DHX29: variants seen among roughly 807,000 people sequenced by gnomAD.
The protein encoded by DHX29 is DExH-box helicase 29.
DHX29 carries 79 observed loss-of-function variants against 167.9 expected under a neutral mutation model. The ratio of observed to expected loss-of-function variants is 0.47; its 90% confidence interval spans 0.39 to 0.57. The LOEUF (loss-of-function observed/expected upper bound fraction) is 0.57, where lower values mean the gene tolerates loss of function less well. Ranked by LOEUF, DHX29 falls within the 20% of genes least tolerant of loss-of-function variation. The probability of loss-of-function intolerance (pLI) is 0.00; values close to 1 mark genes in which losing one functional copy is unlikely to be tolerated. For missense variants in DHX29, 1,347 were observed against 1,593.4 expected (o/e 0.85, Z 2.63); for synonymous variants, 530 against 546.0 (o/e 0.97, Z 0.41).
rs371114091 is a variant in DHX29 at position 55,281,321 on chromosome 5, T to C, written c.2109+51A>G. 28 of 1,433,142 alleles carry C rather than the reference T, an allele frequency of 2.0e-5. No individual in the cohort carries two copies. The African/African-American group carries it at 4.0e-4, about 20-fold the overall frequency. The allele number at this position is 1,433,142 out of a possible 1,614,324, so 88.8% of individuals were successfully genotyped here. A position where few individuals can be genotyped will look rare whatever the true frequency, so the allele number is the denominator to read the frequency against. ...ATCTAGTATTAGGAGTAACATCTTT[T>C]TAATACAAAAATATTTCAAATTTTT... On this transcript the variant is annotated intron_variant, in intron 12 of 26. Coordinates refer to ENST00000251636, the MANE Select transcript of DHX29 (RefSeq NM_019030.4).
chr5:55,270,913 GA>G (rs1464086914), intron 18 of DHX29, among the ~76,000 whole-genome samples: 8 of 152,020 alleles, frequency 5.3e-5, no homozygotes, highest in East Asian at 1.9e-4. Flanking sequence ...TCTGGCAAAA[GA>G]AAAAAATTAT....
chr5:55,283,322 T>C lies in DHX29; in HGVS notation c.1846A>G (p.Asn616Asp). The change falls in exon 11 of 27, where the codon AAT becomes GAT. Residue 616 changes from asparagine (N) to aspartate (D), a missense_variant. Coordinates refer to ENST00000251636, the MANE Select transcript of DHX29 (RefSeq NM_019030.4). ...PHFLLEDLLL[N>D]EWEASKCNIV... Reference sequence around the variant, plus strand: ...TTACATTTACTTGCTTCCCACTCATTTAGAAGCAAATCTTCCAATAGAAAA... The same window carrying C: ...TTACATTTACTTGCTTCCCACTCATCTAGAAGCAAATCTTCCAATAGAAAA... The C allele has an allele frequency of 6.2e-7, 1 of 1,614,160 alleles. No individual in the cohort carries two copies. Among genetic ancestry groups the C allele is most frequent in the Non-Finnish European group, 8.5e-7 (1 of 1,179,998 alleles).
Position 55,277,134 on chromosome 5 carries a change from C to A in DHX29, c.2258G>T (p.Arg753Ile). 1 of 1,610,278 alleles carries A rather than the reference C, an allele frequency of 6.2e-7. No individual in the cohort carries two copies. The highest frequency in any genetic ancestry group is 8.5e-7 in the Non-Finnish European group (1 of 1,178,664). ...AACAGGATAACTTCTTCCTGAAATT[C>A]TGAGAATGGGGCAGTGTGTGAAATA... ...STYFTHCPILRISGRSYPVEV... is the reference protein window; with the variant it reads ...STYFTHCPILIISGRSYPVEV... Residue 753 changes from arginine (R) to isoleucine (I), a missense_variant, in exon 13 of 27, where the codon AGA (arginine) becomes ATA (isoleucine). Around this residue, in one of 3 missense-constraint regions of DHX29, gnomAD observed 882 missense variants for 1,082.4 expected, o/e 0.81. Transcript: ENST00000251636.
At chr5:55,285,238 C>T in intron 10 of DHX29, 55 bp downstream of exon 10, 1 of 1,573,642 alleles carries the variant, frequency 6.4e-7, no homozygotes. Context: ...AAAATTGAAC[C>T]ATAATTAAAT....
At chr5:55,259,775 C>T (rs920689634) in intron 26 of DHX29, 73 bp downstream of exon 26, 1 of 856,816 alleles carries the variant, frequency 1.2e-6, no homozygotes, top group Non-Finnish European at 1.8e-6. Flanking sequence ...AGTTTTTCCA[C>T]ACATTAATAC....
Position 55,298,446 on chromosome 5 carries a change from T to G in DHX29, c.261+145A>C, listed in dbSNP as rs79855754. ...TCTCAACATATGTGTATGATTTACTTATTTTTAGTAGAGATTAGCTCTTAG... is the reference window on the plus strand; with the variant it reads ...TCTCAACATATGTGTATGATTTACTGATTTTTAGTAGAGATTAGCTCTTAG... On this transcript the variant is annotated intron_variant, in intron 2 of 26. Transcript: ENST00000251636. 3.9e-3 allele frequency: 2,169 copies of G among 563,124 alleles called. 34 individuals are homozygous for G. Among genetic ancestry groups the G allele is most frequent in the African/African-American group, 0.036 (1,916 of 52,720 alleles). 34.9% of individuals were successfully genotyped at this position (563,124 alleles called of 1,614,324 possible). A position where few individuals can be genotyped will look rare whatever the true frequency, so the allele number is the denominator to read the frequency against.
intron 26 of DHX29, among the ~76,000 whole-genome samples, chr5:55,258,554 A>G (rs1746159509): frequency 1.3e-5 from 2 of 152,110 alleles, no homozygotes; most frequent in African/African-American, 2.4e-5. Flanking sequence ...GGCAAGTTTG[A>G]GAAACACTGC....
Position 55,285,418 on chromosome 5 carries a change from T to C in DHX29, c.1233-2A>G, listed in dbSNP as rs1266156086. The C allele has an allele frequency of 6.3e-7, 1 of 1,594,720 alleles. No individual in the cohort carries two copies. Among genetic ancestry groups the C allele is most frequent in the African/African-American group, 1.3e-5 (1 of 74,136 alleles). On this transcript the variant is annotated splice_acceptor_variant, in intron 9 of 26. Coordinates refer to ENST00000251636, the MANE Select transcript of DHX29 (RefSeq NM_019030.4). LOFTEE classifies it high-confidence loss of function. Reference sequence around the variant, plus strand: ...TCTTCAGACTTGATTACCCTAACCCTACAAAGAAGCAAACGCATTTTAAAA... The same window carrying C: ...TCTTCAGACTTGATTACCCTAACCCCACAAAGAAGCAAACGCATTTTAAAA...
Position 55,276,414 on chromosome 5 carries a change from G to A in DHX29, c.2287-8C>T. On this transcript the variant is annotated splice_polypyrimidine_tract_variant and splice_region_variant and intron_variant, in intron 13 of 26. Transcript: ENST00000251636. Reference sequence around the variant, plus strand: ...ATCTTCAAGATGAAAAACCTGCATAGAATAAGGCATATAAATGGGTGAATT... The same window carrying A: ...ATCTTCAAGATGAAAAACCTGCATAAAATAAGGCATATAAATGGGTGAATT... The A allele has an allele frequency of 6.3e-7, 1 of 1,578,552 alleles. No individual in the cohort carries two copies. The highest frequency in any genetic ancestry group is 1.2e-5 in the South Asian group (1 of 84,336).
intron 6 of DHX29, among the ~76,000 whole-genome samples, chr5:55,291,865 A>G (rs1189532273): frequency 1.3e-5 from 2 of 152,110 alleles, no homozygotes; most frequent in Admixed American, 6.5e-5. Flanking sequence ...CTTCTTTTTT[A>G]AGGCTGAATA....
In DHX29 at chr5:55,280,485, T is replaced by C. The variant is rs111244357; in HGVS notation, c.2109+887A>G. On this transcript the variant is annotated intron_variant, in intron 12 of 26. Transcript: ENST00000251636. ...TAAGAAAAAAAAATTAGCATTTTGG[T>C]TCATGTTGACCCTTGATGATACTGA... 2.4e-3 allele frequency among the ~76,000 whole-genome samples: 364 copies of C among 152,254 alleles called. 2 individuals are homozygous for C. Among genetic ancestry groups the C allele is most frequent in the Middle Eastern group, 0.024 (7 of 294 alleles).
chr5:55,300,755 A>C (rs1036330089), intron 1 of DHX29, among the ~76,000 whole-genome samples: 7 of 152,224 alleles, frequency 4.6e-5, no homozygotes, highest in African/African-American at 1.4e-4. Context: ...AAATGTGACT[A>C]TATTTTTCAA....
intron 8 of DHX29, among the ~76,000 whole-genome samples, chr5:55,287,978 C>T (rs1747829814): frequency 6.7e-6 from 1 of 149,726 alleles, no homozygotes; most frequent in South Asian, 2.1e-4. Context: ...AGGCTGGGCA[C>T]AGTGGCTCAC....
intron 14 of DHX29, among the ~76,000 whole-genome samples, chr5:55,275,765 GTATGTA>G (rs1561146742): frequency 5.6e-4 from 85 of 152,092 alleles, no homozygotes; most frequent in African/African-American, 1.8e-3. Context: ...ATGTATGTAT[GTATGTA>G]TGTGTGTGTG....
At position 55,274,857 on chromosome 5, in the gene DHX29, G is replaced by A. The variant is rs1421002968; in HGVS notation, c.2572+9C>T. 6.2e-7 allele frequency: 1 copy of A among 1,609,764 alleles called. No individual in the cohort carries two copies. Among genetic ancestry groups the A allele is most frequent in the South Asian group, 1.1e-5 (1 of 90,034 alleles). On this transcript the variant is annotated intron_variant, in intron 15 of 26. Transcript: ENST00000251636. ...ATCAAATGGAGACCCATTAGAAATA[G>A]AAATATACCTAAGTATGCAAGAAGT...
Position 55,307,655 on chromosome 5 carries a change from G to C in DHX29, c.-82C>G. 6.5e-7 allele frequency: 1 copy of C among 1,530,100 alleles called. No individual in the cohort carries two copies. Among genetic ancestry groups the C allele is most frequent in the Non-Finnish European group, 8.8e-7 (1 of 1,131,642 alleles). 94.8% of individuals were successfully genotyped at this position (1,530,100 alleles called of 1,614,324 possible). A position where few individuals can be genotyped will look rare whatever the true frequency, so the allele number is the denominator to read the frequency against. On this transcript the variant is annotated 5_prime_UTR_variant, in exon 1 of 27. Coordinates refer to ENST00000251636, the MANE Select transcript of DHX29 (RefSeq NM_019030.4). ...AGCCGAGAGCTCTTCACATTCCCCG[G>C]CTCCGGGGCTGCCACCCTGCGCTTC...
chr5:55,292,522 C>T (rs1748101748), intron 6 of DHX29, among the ~76,000 whole-genome samples: 1 of 152,136 alleles, frequency 6.6e-6, no homozygotes, highest in South Asian at 2.1e-4. Flanking sequence ...TCCAAACCAC[C>T]TCGAATGCTA....
In DHX29 at chr5:55,295,362, C is replaced by T. The variant is rs1234808639; in HGVS notation, c.651+17G>A. 1.9e-6 allele frequency: 3 copies of T among 1,585,484 alleles called. No homozygotes were observed. The highest frequency in any genetic ancestry group is 1.1e-5 in the South Asian group (1 of 90,076). On this transcript the variant is annotated intron_variant, in intron 5 of 26. Coordinates refer to ENST00000251636, the MANE Select transcript of DHX29 (RefSeq NM_019030.4). ...TTCTGATTTTATACAACTTTAAATG[C>T]TTAATTCTCAAATTACCTTACTCTT...
chr5:55,258,280 T>G (rs552090698), intron 26 of DHX29, among the ~76,000 whole-genome samples: 27 of 152,324 alleles, frequency 1.8e-4, no homozygotes, highest in Admixed American at 4.6e-4. Context: ...ACTACCAGTT[T>G]ATAGGAAATA....
Sources: allele counts gnomAD v4.1 joint callset (sites outside exome capture counted in the v4.1 genomes callset), GRCh38; gene constraint gnomAD v4.1.1; regional missense constraint gnomAD v4.1.1; transcripts MANE v1.5; gene names NCBI Gene and HGNC (gene_info 2026-07-23, HGNC 2026-07-21).